The following FMN2 variants were observed in gnomAD, a reference collection of about 807,000 sequenced individuals.
The protein encoded by FMN2 is formin-2.
Under a neutral mutation model 142.3 loss-of-function variants are expected in FMN2, and 51 were observed. That is an observed-to-expected ratio of 0.36 (90% CI 0.29 to 0.45). FMN2 has a LOEUF of 0.45. Among genes scored for constraint, FMN2 ranks in the 20% least tolerant of loss-of-function variants. FMN2 has a pLI of 1.00. For missense variants in FMN2, 1,936 were observed against 2,122.8 expected, an observed-to-expected ratio of 0.91 and a Z score of 1.73; for synonymous variants, 882 against 869.8, an observed-to-expected ratio of 1.01 and a Z score of -0.25.
At chr1:240,099,088 GATGAA>G (rs1661320014) in intron 1 of FMN2, among the ~76,000 whole-genome samples, 1 of 152,014 alleles carries the variant, frequency 6.6e-6, no homozygotes, top group African/African-American at 2.4e-5. Flanking sequence ...ATACTATTAA[GATGAA>G]ATGAAATAGC....
chr1:240,387,959 C>T (rs546021735), intron 14 of FMN2, among the ~76,000 whole-genome samples: 19 of 151,946 alleles, frequency 1.3e-4, no homozygotes, highest in African/African-American at 3.6e-4. Flanking sequence ...GGGTGGATCA[C>T]GAGGTCAGGA....
chr1:240,123,061 C>CA, intron 1 of FMN2, 118 bp from the exon 2 acceptor site: 1 of 1,104,832 alleles, frequency 9.1e-7, no homozygotes. Flanking sequence ...TCTGCGCTGT[C>CA]AGTAGCCTTG....
chr1:240,279,336 C>T (rs1038433592), intron 7 of FMN2, among the ~76,000 whole-genome samples: 15 of 152,092 alleles, frequency 9.9e-5, no homozygotes, highest in African/African-American at 3.4e-4. Context: ...TGTGGGACAC[C>T]TCATTTCTGC....
At chr1:240,215,106 TGA>T (rs1023940294) in intron 6 of FMN2, among the ~76,000 whole-genome samples, 1 of 152,032 alleles carries the variant, frequency 6.6e-6, no homozygotes, top group African/African-American at 2.4e-5. Flanking sequence ...AGCAGGAAAG[TGA>T]GAGAATTTAC....
chr1:240,339,230 A>G (rs1419907049), intron 13 of FMN2, among the ~76,000 whole-genome samples: 1 of 152,210 alleles, frequency 6.6e-6, no homozygotes, highest in Non-Finnish European at 1.5e-5. Context: ...TGGTTATCAG[A>G]TCAACAGATC....
Position 240,392,504 on chromosome 1 carries a change from CT to C in FMN2, c.4859-4del. 6.2e-7 allele frequency: 1 copy of C among 1,609,918 alleles called. No homozygotes were observed. The highest frequency in any genetic ancestry group is 8.5e-7 in the Non-Finnish European group (1 of 1,177,888). Reference sequence around the variant, plus strand: ...TCTCATGTACTTTTATTTTCTTGCACTTTCAGCCAAAATTGACCAAGAGGCA... The same window carrying C: ...TCTCATGTACTTTTATTTTCTTGCACTTCAGCCAAAATTGACCAAGAGGCA... On this transcript the variant is annotated splice_region_variant and splice_polypyrimidine_tract_variant and intron_variant, in intron 14 of 17. Transcript: ENST00000319653.
At chr1:240,146,165 C>T (rs893885730) in intron 2 of FMN2, among the ~76,000 whole-genome samples, 2 of 146,700 alleles carry the variant, frequency 1.4e-5, no homozygotes, top group South Asian at 2.2e-4. Context: ...GGGCAGATCA[C>T]GAGGTCAGGA....
intron 4 of FMN2, among the ~76,000 whole-genome samples, chr1:240,192,094 C>T (rs1346087335): frequency 6.6e-6 from 1 of 152,138 alleles, no homozygotes; most frequent in African/African-American, 2.4e-5. Flanking sequence ...CTACCGAGTC[C>T]CCTCATTGCC....
chr1:240,434,548 G>T (rs199928195), intron 15 of FMN2, among the ~76,000 whole-genome samples: 7 of 103,116 alleles, frequency 6.8e-5, no homozygotes, highest in Non-Finnish European at 1.7e-4. Context: ...TTTGTTTTTT[G>T]TTTTTTGTTT....
chr1:240,198,251 G>C (rs933484151), intron 4 of FMN2, among the ~76,000 whole-genome samples: 4 of 152,242 alleles, frequency 2.6e-5, no homozygotes, highest in East Asian at 1.9e-4. Flanking sequence ...AACCAAAAAG[G>C]CTGGTTCTTT....
intron 6 of FMN2, among the ~76,000 whole-genome samples, chr1:240,220,874 C>G (rs140504533): frequency 3.1e-4 from 47 of 152,070 alleles, no homozygotes; most frequent in African/African-American, 1.1e-3. Flanking sequence ...CCAGCCCCCC[C>G]ACCCCACGAC....
chr1:240,145,634 C>T (rs1369508184), intron 2 of FMN2, among the ~76,000 whole-genome samples: 2 of 138,228 alleles, frequency 1.4e-5, no homozygotes, highest in Non-Finnish European at 3.0e-5. Context: ...TTCAGACTGT[C>T]GAGTAGCGAG....
At chr1:240,266,174 A>G (rs951680782) in intron 7 of FMN2, among the ~76,000 whole-genome samples, 2 of 84,434 alleles carry the variant, frequency 2.4e-5, no homozygotes, top group African/African-American at 4.5e-5. Flanking sequence ...TAGTTTTTCA[A>G]TCTTTGTCCC....
At chr1:240,212,397 C>A (rs1454561972) in intron 6 of FMN2, among the ~76,000 whole-genome samples, 1 of 152,154 alleles carries the variant, frequency 6.6e-6, no homozygotes. Context: ...AAACATTATG[C>A]AGTTGAATTC....
intron 16 of FMN2, among the ~76,000 whole-genome samples, chr1:240,469,569 A>T (rs1445251526): frequency 2.0e-5 from 3 of 151,990 alleles, no homozygotes; most frequent in Admixed American, 2.0e-4. Flanking sequence ...CTGTTTCTTG[A>T]CTCTTACTCA....
chr1:240,137,519 C>T (rs1019418925), intron 2 of FMN2, among the ~76,000 whole-genome samples: 12 of 152,194 alleles, frequency 7.9e-5, no homozygotes, highest in Admixed American at 2.0e-4. Context: ...TCATGTAATA[C>T]ATAGATAGTA....
At chr1:240,178,620 A>G (rs1266471918) in intron 3 of FMN2, among the ~76,000 whole-genome samples, 1 of 151,810 alleles carries the variant, frequency 6.6e-6, no homozygotes, top group Admixed American at 6.6e-5. Flanking sequence ...TTTTTTGTAG[A>G]GCCAGAGTCT....
chr1:240,445,703 T>C (rs1675781281), intron 16 of FMN2, among the ~76,000 whole-genome samples: 1 of 9,208 alleles, frequency 1.1e-4, no homozygotes, highest in East Asian at 1.7e-3. Context: ...CATCAAAGGG[T>C]TTTTTTTTTT....
Position 240,148,293 on chromosome 1 carries a change from C to G in FMN2, c.1782+24948C>G, listed in dbSNP as rs142978173. Among the ~76,000 whole-genome samples the G allele has an allele frequency of 9.5e-3, 410 of 43,018 alleles. 2 individuals are homozygous for G. Among genetic ancestry groups the G allele is most frequent in the South Asian group, 0.022 (14 of 638 alleles). The allele number at this position is 43,018 out of a possible 152,430, so 28.2% of individuals were successfully genotyped here. ...AGAGATAGACAGAGACAGAGACAGA[C>G]AGAGACAGAGAGAGAGAGACAGACA... is the stretch of plus-strand genomic sequence containing the variant. On this transcript the variant is annotated intron_variant, in intron 2 of 17. Coordinates refer to ENST00000319653, the MANE Select transcript of FMN2 (RefSeq NM_020066.5).
Sources: gnomAD v4.1 joint callset for allele counts (sites outside exome capture counted in the v4.1 genomes callset) on GRCh38, gnomAD v4.1.1 for gene constraint, MANE v1.5 for transcripts, NCBI Gene and HGNC (gene_info 2026-07-23, HGNC 2026-07-21) for gene names.